The following LRRC28 variants were observed in gnomAD, a reference collection of about 807,000 sequenced individuals.
LRRC28 encodes leucine rich repeat containing 28, also known as leucine-rich repeat-containing protein 28.
A neutral mutation model predicts 45.7 loss-of-function variants in LRRC28; 39 were observed. The observed-to-expected ratio is 0.85, with a 90% CI of 0.66 to 1.12. The LOEUF is 1.12. Among genes scored for constraint, LRRC28 ranks in the 50% most tolerant of loss-of-function variants. The pLI, the probability that LRRC28 is intolerant of heterozygous loss-of-function variation, is 0.00. For missense variants in LRRC28, 435 were observed against 438.5 expected, an observed-to-expected ratio of 0.99 and a Z score of 0.07; for synonymous variants, 206 against 178.8, an observed-to-expected ratio of 1.15 and a Z score of -1.22.
At chr15:99,252,860 C>T (rs1000458830) in intron 1 of LRRC28, among the ~76,000 whole-genome samples, 2 of 152,182 alleles carry the variant, frequency 1.3e-5, no homozygotes, top group Non-Finnish European at 2.9e-5. Flanking sequence ...GTCAACCCAT[C>T]ACCTAGGTTT....
At chr15:99,352,715 C>A (rs765430691) in intron 7 of LRRC28, among the ~76,000 whole-genome samples, 3 of 152,126 alleles carry the variant, frequency 2.0e-5, no homozygotes, top group Non-Finnish European at 4.4e-5. Context: ...TTATTTCCCC[C>A]CACACACCCC....
At chr15:99,352,770 A>G (rs1956926562) in intron 7 of LRRC28, among the ~76,000 whole-genome samples, 1 of 152,160 alleles carries the variant, frequency 6.6e-6, no homozygotes, top group Non-Finnish European at 1.5e-5. Context: ...TAATTATTTA[A>G]ATGGTACACG....
At chr15:99,321,382 T>C (rs1955791133) in intron 5 of LRRC28, among the ~76,000 whole-genome samples, 1 of 152,196 alleles carries the variant, frequency 6.6e-6, no homozygotes, top group South Asian at 2.1e-4. Flanking sequence ...GTCAGCTATA[T>C]AGCAGATCAC....
chr15:99,387,944 A>G lies in LRRC28; in HGVS notation c.*1842A>G, dbSNP rs1958077358. ...TGCCCGGAAAGCACACCGTCCACGTAGAATGGAGAAGGCAGAAAGTTACCG... is the reference window on the plus strand; with the variant it reads ...TGCCCGGAAAGCACACCGTCCACGTGGAATGGAGAAGGCAGAAAGTTACCG... On this transcript the variant is annotated 3_prime_UTR_variant, in exon 10 of 10. Coordinates refer to ENST00000301981, the MANE Select transcript of LRRC28 (RefSeq NM_144598.5). The G allele has an allele frequency of 6.6e-6, 1 of 152,246 alleles. No individual in the cohort carries two copies. The highest frequency in any genetic ancestry group is 1.5e-5 in the Non-Finnish European group (1 of 68,056). The allele number at this position is 152,246 out of a possible 1,614,324, so 9.4% of individuals were successfully genotyped here. A position where few individuals can be genotyped will look rare whatever the true frequency, so the allele number is the denominator to read the frequency against.
chr15:99,274,404 G>C (rs988974114), intron 2 of LRRC28, among the ~76,000 whole-genome samples: 6 of 152,076 alleles, frequency 3.9e-5, no homozygotes, highest in Admixed American at 3.3e-4. Context: ...TAAAATATAA[G>C]CCTTTAGTGT....
At chr15:99,293,060 T>G (rs2082167371) in intron 5 of LRRC28, among the ~76,000 whole-genome samples, 1 of 152,236 alleles carries the variant, frequency 6.6e-6, no homozygotes, top group Non-Finnish European at 1.5e-5. Flanking sequence ...TGTTTTAGTG[T>G]TCTGCTTTAT....
At chr15:99,280,154 AT>A (rs929634779) in intron 3 of LRRC28, among the ~76,000 whole-genome samples, 1 of 151,222 alleles carries the variant, frequency 6.6e-6, no homozygotes, top group South Asian at 2.1e-4. Flanking sequence ...TTCTGATTGT[AT>A]TTTTTTTAAT....
intron 1 of LRRC28, among the ~76,000 whole-genome samples, chr15:99,252,266 T>C (rs62023768): frequency 0.081 from 12,294 of 152,306 alleles, 537 homozygotes; most frequent in African/African-American, 0.11. Flanking sequence ...TTAAAGGCTG[T>C]GTATGGCCCG....
In LRRC28 at chr15:99,311,317, ACTT is replaced by A. The variant is rs202246549; in HGVS notation, c.386-22602_386-22600del. Reference sequence around the variant, plus strand: ...GAGCATTTCAGATTTCAGGTTAAGTACTTCTTTCGTTGCTTTACGTGAATTGTG... The same window carrying A: ...GAGCATTTCAGATTTCAGGTTAAGTACTTTCGTTGCTTTACGTGAATTGTG... On this transcript the variant is annotated intron_variant, in intron 5 of 9. Coordinates refer to ENST00000301981, the MANE Select transcript of LRRC28 (RefSeq NM_144598.5). Among the ~76,000 whole-genome samples the A allele has an allele frequency of 9.8e-3, 1,497 of 152,272 alleles. 17 individuals carry two copies. The highest frequency in any genetic ancestry group is 0.034 in the African/African-American group (1,401 of 41,548).
intron 6 of LRRC28, among the ~76,000 whole-genome samples, chr15:99,350,460 G>C (rs74033470): frequency 0.025 from 3,829 of 152,234 alleles, 167 homozygotes; most frequent in African/African-American, 0.087. Flanking sequence ...AAATTGTCCA[G>C]AACCCATTTG....
intron 7 of LRRC28, among the ~76,000 whole-genome samples, chr15:99,357,889 C>T (rs1177444464): frequency 6.6e-6 from 1 of 151,946 alleles, no homozygotes; most frequent in Admixed American, 6.6e-5. Context: ...TGTATTCAAA[C>T]TATGGCCATT....
intron 5 of LRRC28, among the ~76,000 whole-genome samples, chr15:99,315,103 G>A (rs1428638891): frequency 6.6e-6 from 1 of 151,870 alleles, no homozygotes; most frequent in Non-Finnish European, 1.5e-5. Context: ...CTCTTCAGAG[G>A]ATGAAAAAAA....
At chr15:99,277,880 T>C (rs540707501) in intron 3 of LRRC28, among the ~76,000 whole-genome samples, 1 of 152,336 alleles carries the variant, frequency 6.6e-6, no homozygotes, top group South Asian at 2.1e-4. Flanking sequence ...TTCTTTAAAA[T>C]AGGTTTTGAA....
chr15:99,327,789 C>T (rs1383684331), intron 5 of LRRC28, among the ~76,000 whole-genome samples: 1 of 149,548 alleles, frequency 6.7e-6, no homozygotes, highest in African/African-American at 2.5e-5. Context: ...TTTCTTTTTT[C>T]TAAAGGTGGA....
At chr15:99,258,535 C>T in intron 2 of LRRC28, 1 of 745,336 alleles carries the variant, frequency 1.3e-6, no homozygotes, top group Non-Finnish European at 2.5e-6. Flanking sequence ...AAAGAAGAAT[C>T]TTATGATGAA....
chr15:99,288,295 C>T (rs2082012542), intron 5 of LRRC28, among the ~76,000 whole-genome samples: 1 of 148,532 alleles, frequency 6.7e-6, no homozygotes, highest in Non-Finnish European at 1.5e-5. Flanking sequence ...GTGATATAAT[C>T]ATTTTACTAT....
intron 3 of LRRC28, among the ~76,000 whole-genome samples, chr15:99,282,845 C>G (rs1261455396): frequency 6.6e-6 from 1 of 152,212 alleles, no homozygotes; most frequent in Non-Finnish European, 1.5e-5. Context: ...CCATTTACTC[C>G]ATTGTTGTTA....
chr15:99,309,906 A>G (rs2152262601), intron 5 of LRRC28, among the ~76,000 whole-genome samples: 1 of 152,344 alleles, frequency 6.6e-6, no homozygotes, highest in Middle Eastern at 3.4e-3. Flanking sequence ...CAAAGAGATT[A>G]AAGCCTTTAA....
chr15:99,263,612 T>C (rs544094116), intron 2 of LRRC28, among the ~76,000 whole-genome samples: 2 of 152,360 alleles, frequency 1.3e-5, no homozygotes, highest in African/African-American at 4.8e-5. Context: ...GAGCAGGAAC[T>C]GTGTCTTGCG....
Sources: allele counts gnomAD v4.1 joint callset (sites outside exome capture counted in the v4.1 genomes callset), GRCh38; gene constraint gnomAD v4.1.1; transcripts MANE v1.5; gene names NCBI Gene and HGNC (gene_info 2026-07-23, HGNC 2026-07-21).